SHLD1: variants seen among roughly 807,000 people sequenced by gnomAD.
SHLD1 encodes the protein RINN1-REV7-interacting novel NHEJ regulator 3.
A neutral mutation model predicts 5.5 loss-of-function variants in SHLD1; 3 were observed. That is an observed-to-expected ratio of 0.54 (90% confidence interval 0.25 to 1.40). The LOEUF (loss-of-function observed/expected upper bound fraction) is 1.40. SHLD1 is among the 40% of genes most tolerant of loss of function. SHLD1 has a pLI of 0.15. For missense variants in SHLD1, 210 were observed against 244.4 expected, an observed-to-expected ratio of 0.86 and a Z score of 0.94; for synonymous variants, 92 against 94.3, an observed-to-expected ratio of 0.98 and a Z score of 0.14.
intron 2 of SHLD1, among the ~76,000 whole-genome samples, chr20:5,846,433 A>G (rs1032754921): frequency 6.6e-6 from 1 of 152,226 alleles, no homozygotes; most frequent in African/African-American, 2.4e-5. Flanking sequence ...CGCAGTAAAC[A>G]GTCGTAATCA....
chr20:5,846,053 A>G (rs549541265), intron 2 of SHLD1, among the ~76,000 whole-genome samples: 13 of 152,354 alleles, frequency 8.5e-5, no homozygotes, highest in South Asian at 4.1e-4. Flanking sequence ...TCTATGGCAT[A>G]TGGAAAAACG....
chr20:5,861,866 A>G (rs1393122519), intron 2 of SHLD1, among the ~76,000 whole-genome samples: 1 of 152,220 alleles, frequency 6.6e-6, no homozygotes, highest in African/African-American at 2.4e-5. Context: ...TGTCAAAGCT[A>G]GTGATTTATA....
intron 2 of SHLD1, among the ~76,000 whole-genome samples, chr20:5,809,192 T>C (rs773151500): frequency 2.2e-4 from 34 of 152,214 alleles, no homozygotes; most frequent in Middle Eastern, 3.4e-3. Context: ...AAGAACTAAA[T>C]GTATGACTAA....
At chr20:5,862,452 A>G (rs1400541612) in intron 2 of SHLD1, among the ~76,000 whole-genome samples, 6 of 152,246 alleles carry the variant, frequency 3.9e-5, no homozygotes, top group South Asian at 2.1e-4. Context: ...GTGCACACGC[A>G]CGGATCTCTA....
intron 2 of SHLD1, among the ~76,000 whole-genome samples, chr20:5,782,421 C>T (rs1479522493): frequency 6.6e-6 from 1 of 152,158 alleles, no homozygotes; most frequent in Non-Finnish European, 1.5e-5. Flanking sequence ...ATCCAAGGTA[C>T]TTTCTAATAT....
rs546710253 is a variant in SHLD1 at position 5,829,510 on chromosome 20, T to C, written c.179-33514T>C. Among the ~76,000 whole-genome samples the C allele has an allele frequency of 1.3e-4, 20 of 152,272 alleles. No homozygotes were observed. The South Asian group carries it at 4.1e-3, about 32-fold the overall frequency. On this transcript the variant is annotated intron_variant, in intron 2 of 2. Transcript: ENST00000303142. Reference sequence around the variant, plus strand: ...GTCTGGAGGGACTGTCTAAATAGGATTGTCTAAAGGAAAACCTGCAAAAAA... The same window carrying C: ...GTCTGGAGGGACTGTCTAAATAGGACTGTCTAAAGGAAAACCTGCAAAAAA...
chr20:5,843,189 A>G (rs1200405448), intron 2 of SHLD1, among the ~76,000 whole-genome samples: 1 of 152,122 alleles, frequency 6.6e-6, no homozygotes, highest in Non-Finnish European at 1.5e-5. Flanking sequence ...TCAGTCTGGA[A>G]CCATATTAAA....
At chr20:5,843,108 C>A (rs1453914781) in intron 2 of SHLD1, among the ~76,000 whole-genome samples, 4 of 151,948 alleles carry the variant, frequency 2.6e-5, no homozygotes, top group Non-Finnish European at 5.9e-5. Flanking sequence ...TGGACGGTTT[C>A]TTTTGGTGTT....
chr20:5,764,174 A>ATT lies in SHLD1; in HGVS notation c.-4-8684_-4-8683dup, dbSNP rs34182994. Among the ~76,000 whole-genome samples the ATT allele has an allele frequency of 1.2e-3, 120 of 99,478 alleles. 2 individuals are homozygous for ATT. The South Asian group carries it at 0.018, about 15-fold the overall frequency. The allele number at this position is 99,478 out of a possible 152,430, so 65.3% of individuals were successfully genotyped here. ...TATTTATATTTATATATATATATAT[A>ATT]TTTTTATATATATATATTTTATATA... On this transcript the variant is annotated intron_variant, in intron 1 of 2. Coordinates refer to ENST00000303142, the MANE Select transcript of SHLD1 (RefSeq NM_152504.4).
At chr20:5,842,578 T>C (rs1332149699) in intron 2 of SHLD1, among the ~76,000 whole-genome samples, 2 of 152,250 alleles carry the variant, frequency 1.3e-5, no homozygotes, top group African/African-American at 4.8e-5. Flanking sequence ...GTTGTCTCAT[T>C]GTGCATTGCC....
intron 2 of SHLD1, among the ~76,000 whole-genome samples, chr20:5,782,250 G>A (rs6053679): frequency 2.6e-5 from 4 of 152,002 alleles, no homozygotes; most frequent in African/African-American, 7.2e-5. Flanking sequence ...ATGGAAGAGC[G>A]GAGTTAAGAA....
At chr20:5,779,061 G>A (rs148700939) in intron 2 of SHLD1, among the ~76,000 whole-genome samples, 1 of 152,048 alleles carries the variant, frequency 6.6e-6, no homozygotes, top group Admixed American at 6.6e-5. Context: ...AAATCAGCCA[G>A]GCATGGTGGT....
chr20:5,806,641 G>A lies in SHLD1; in HGVS notation c.178+33598G>A, dbSNP rs573248453. 6.6e-6 allele frequency among the ~76,000 whole-genome samples: 1 copy of A among 152,354 alleles called. No homozygotes were observed. Among genetic ancestry groups the A allele is most frequent in the South Asian group, 2.1e-4 (1 of 4,832 alleles). On this transcript the variant is annotated intron_variant, in intron 2 of 2. Coordinates refer to ENST00000303142, the MANE Select transcript of SHLD1 (RefSeq NM_152504.4). This position sits in a 1 kb window ranked among gnomAD's most constrained non-coding sequence, Gnocchi z 7.6. ...TGTCCCAGGAGCTGTTGAGGGCAGTGGCGCCTGCTTCTGGCCATGGACAGA... is the reference window on the plus strand; with the variant it reads ...TGTCCCAGGAGCTGTTGAGGGCAGTAGCGCCTGCTTCTGGCCATGGACAGA...
At chr20:5,763,325 T>A (rs1358597903) in intron 1 of SHLD1, among the ~76,000 whole-genome samples, 1 of 149,860 alleles carries the variant, frequency 6.7e-6, no homozygotes, top group African/African-American at 2.5e-5. Flanking sequence ...ACTGTGCCTG[T>A]AAGATAAGTA....
intron 2 of SHLD1, among the ~76,000 whole-genome samples, chr20:5,779,543 C>T (rs1315526240): frequency 6.6e-6 from 1 of 152,168 alleles, no homozygotes; most frequent in Non-Finnish European, 1.5e-5. Flanking sequence ...GACATGCCCA[C>T]CTTTACACTA....
At position 5,821,022 on chromosome 20, in the gene SHLD1, C is replaced by T. The variant is rs181087890; in HGVS notation, c.179-42002C>T. On this transcript the variant is annotated intron_variant, in intron 2 of 2. Coordinates refer to ENST00000303142, the MANE Select transcript of SHLD1 (RefSeq NM_152504.4). ...CTTCCCAGTCCTTCTTTGATATCCACGGTTTGCTTAAGTATTGGATGTTAA... is the reference window on the plus strand; with the variant it reads ...CTTCCCAGTCCTTCTTTGATATCCATGGTTTGCTTAAGTATTGGATGTTAA... Among the ~76,000 whole-genome samples the T allele has an allele frequency of 1.4e-3, 215 of 152,326 alleles. 1 individual carries two copies. Among genetic ancestry groups the T allele is most frequent in the African/African-American group, 4.9e-3 (203 of 41,568 alleles).
chr20:5,772,784 C>A (rs183528176), intron 1 of SHLD1, 78 bp from the exon 2 acceptor site: 36 of 1,299,520 alleles, frequency 2.8e-5, no homozygotes, highest in Non-Finnish European at 3.6e-5. Context: ...AAATAAAATT[C>A]TTCAAGCTCT....
At chr20:5,805,218 C>T (rs563797409) in intron 2 of SHLD1, among the ~76,000 whole-genome samples, 10 of 152,262 alleles carry the variant, frequency 6.6e-5, no homozygotes, top group South Asian at 6.2e-4. Context: ...AGTGCAGTGG[C>T]GCGATCTCGG....
At position 5,758,111 on chromosome 20, in the gene SHLD1, G is replaced by A. The variant is rs149229745; in HGVS notation, c.-5+7632G>A. The stretch of plus-strand genomic sequence containing the variant: ...TCCTCCTCTTCCATGTGTTAGAAGC[G>A]TTATCCAGGAGAGGGAGATGCACCT... On this transcript the variant is annotated intron_variant, in intron 1 of 2. Coordinates refer to ENST00000303142, the MANE Select transcript of SHLD1 (RefSeq NM_152504.4). 1.0e-3 allele frequency among the ~76,000 whole-genome samples: 152 copies of A among 151,806 alleles called. 1 individual carries two copies. The highest frequency in any genetic ancestry group is 5.2e-3 in the Admixed American group (79 of 15,182).
Sources: gnomAD v4.1 joint callset for allele counts (sites outside exome capture counted in the v4.1 genomes callset) on GRCh38, gnomAD v4.1.1 for gene constraint, Gnocchi (gnomAD v3.1) non-coding constraint, MANE v1.5 for transcripts, NCBI Gene and HGNC (gene_info 2026-07-23, HGNC 2026-07-21) for gene names.